The following LEKR1 variants were observed in gnomAD, a reference collection of about 807,000 sequenced individuals.
The protein encoded by LEKR1 is protein LEKR1.
In LEKR1, 59 loss-of-function variants were observed where a neutral mutation model predicts 72.4. The observed-to-expected ratio is 0.82, with a 90% CI of 0.66 to 1.01. The LOEUF (loss-of-function observed/expected upper bound fraction) is 1.01. Ranked by LOEUF, LEKR1 falls within the 50% of genes least tolerant of loss-of-function variation. The pLI is 0.00. For missense variants in LEKR1, 728 were observed against 759.2 expected (o/e 0.96, Z 0.48); for synonymous variants, 257 against 263.2 (o/e 0.98, Z 0.23).
chr3:156,918,516 C>G (rs1723876611), intron 3 of LEKR1, among the ~76,000 whole-genome samples: 1 of 151,964 alleles, frequency 6.6e-6, no homozygotes, highest in Non-Finnish European at 1.5e-5. Context: ...AGTACAGATA[C>G]CAAAGATGAT....
intron 2 of LEKR1, among the ~76,000 whole-genome samples, chr3:156,829,834 A>G (rs1211519527): frequency 3.9e-5 from 6 of 152,178 alleles, no homozygotes; most frequent in African/African-American, 1.4e-4. Context: ...AAATAAATAT[A>G]TTGGAAAATG....
chr3:156,847,379 T>C (rs1714742586), intron 2 of LEKR1, among the ~76,000 whole-genome samples: 1 of 152,248 alleles, frequency 6.6e-6, no homozygotes, highest in Non-Finnish European at 1.5e-5. Flanking sequence ...AAAGTGCATC[T>C]TGTAGAACAC....
intron 9 of LEKR1, among the ~76,000 whole-genome samples, chr3:157,007,203 AAAT>A (rs1247099052): frequency 2.0e-5 from 3 of 151,232 alleles, no homozygotes; most frequent in Admixed American, 6.6e-5. Context: ...TCTGTCTCAA[AAAT>A]AATAATAATA....
At chr3:157,004,752 G>T (rs1732281279) in intron 9 of LEKR1, among the ~76,000 whole-genome samples, 1 of 151,860 alleles carries the variant, frequency 6.6e-6, no homozygotes, top group African/African-American at 2.4e-5. Flanking sequence ...AATATCAAAA[G>T]GGAAATTAGA....
intron 3 of LEKR1, among the ~76,000 whole-genome samples, chr3:156,902,663 A>G (rs950425926): frequency 6.6e-6 from 1 of 151,344 alleles, no homozygotes; most frequent in African/African-American, 2.4e-5. Context: ...TGGAGTAGCT[A>G]TGTGTTCCTA....
chr3:156,897,166 A>G (rs1721280103), intron 3 of LEKR1, among the ~76,000 whole-genome samples: 1 of 152,232 alleles, frequency 6.6e-6, no homozygotes, highest in Non-Finnish European at 1.5e-5. Flanking sequence ...TAACCCATAT[A>G]ACAAACCTGT....
intron 3 of LEKR1, among the ~76,000 whole-genome samples, chr3:156,907,880 T>C (rs1722683499): frequency 6.6e-6 from 1 of 152,142 alleles, no homozygotes. Flanking sequence ...GAATTCCACA[T>C]TGCAGTTAGA....
chr3:156,886,584 C>T (rs1158400262), intron 3 of LEKR1, among the ~76,000 whole-genome samples: 1 of 152,168 alleles, frequency 6.6e-6, no homozygotes, highest in African/African-American at 2.4e-5. Flanking sequence ...GGGATGGCTT[C>T]ACTGGGCTCA....
At position 156,916,926 on chromosome 3, in the gene LEKR1, G is replaced by A. The variant is rs1404283254; in HGVS notation, c.264-3649G>A. 2.0e-5 allele frequency among the ~76,000 whole-genome samples: 3 copies of A among 151,994 alleles called. No homozygotes were observed. The East Asian group carries it at 5.8e-4, about 29-fold the overall frequency. On this transcript the variant is annotated intron_variant, in intron 3 of 12. Coordinates refer to ENST00000356539, the MANE Select transcript of LEKR1 (RefSeq NM_001004316.3). The stretch of plus-strand genomic sequence containing the variant: ...TCTTGATTATGAACAGACAATAAAG[G>A]ATAATCAGCCTTCTGAGCAGAGCCT...
intron 5 of LEKR1, among the ~76,000 whole-genome samples, chr3:156,939,815 C>T (rs767590549): frequency 2.0e-5 from 3 of 151,912 alleles, no homozygotes; most frequent in East Asian, 1.9e-4. Flanking sequence ...ACTTATCAGG[C>T]GAATTCCACT....
At chr3:157,035,507 C>T (rs1392330949) in intron 12 of LEKR1, among the ~76,000 whole-genome samples, 1 of 152,174 alleles carries the variant, frequency 6.6e-6, no homozygotes, top group Admixed American at 6.5e-5. Flanking sequence ...GTACCCTTCA[C>T]ACTCTCATGT....
At position 156,982,033 on chromosome 3, in the gene LEKR1, C is replaced by T. The variant is rs112180488; in HGVS notation, c.827+2758C>T. Among the ~76,000 whole-genome samples, 706 of 152,190 alleles carry T rather than the reference C, an allele frequency of 4.6e-3. 3 individuals are homozygous for T. Among genetic ancestry groups the T allele is most frequent in the African/African-American group, 0.016 (679 of 41,524 alleles). ...TGGATATAAGTTTTGTGAATTTTGA[C>T]AATAAAAGGAAGAAGCAATTTATAA... On this transcript the variant is annotated intron_variant, in intron 7 of 12. Coordinates refer to ENST00000356539, the MANE Select transcript of LEKR1 (RefSeq NM_001004316.3).
intron 10 of LEKR1, among the ~76,000 whole-genome samples, chr3:157,016,642 A>T (rs1577000029): frequency 6.6e-6 from 1 of 152,198 alleles, no homozygotes; most frequent in East Asian, 1.9e-4. Context: ...ACACAGAGGA[A>T]TGTAGAAAAC....
chr3:156,946,838 A>G (rs1726726592), intron 6 of LEKR1, among the ~76,000 whole-genome samples: 1 of 151,188 alleles, frequency 6.6e-6, no homozygotes, highest in South Asian at 2.1e-4. Context: ...GATTGTATAT[A>G]TCTAGGAATT....
chr3:156,967,217 A>G (rs4408837), intron 6 of LEKR1, among the ~76,000 whole-genome samples: 128,702 of 152,184 alleles, frequency 0.85, 54,607 homozygotes, highest in African/African-American at 0.92. Context: ...AGAAATCAGA[A>G]CACCTCTCCT....
chr3:156,902,489 C>T (rs1722132367), intron 3 of LEKR1, among the ~76,000 whole-genome samples: 1 of 152,116 alleles, frequency 6.6e-6, no homozygotes, highest in African/African-American at 2.4e-5. Context: ...CTTTTATAGA[C>T]ATTTTATTAT....
chr3:156,967,469 G>C (rs1728734096), intron 6 of LEKR1, among the ~76,000 whole-genome samples: 1 of 152,188 alleles, frequency 6.6e-6, no homozygotes, highest in African/African-American at 2.4e-5. Context: ...CGAGAACTAT[G>C]TGATGAATGC....
At chr3:156,839,929 C>T (rs1223878191) in intron 2 of LEKR1, among the ~76,000 whole-genome samples, 4 of 152,116 alleles carry the variant, frequency 2.6e-5, no homozygotes, top group African/African-American at 9.7e-5. Context: ...TCCAAGCGTG[C>T]CTGTCTTTTT....
intron 6 of LEKR1, among the ~76,000 whole-genome samples, chr3:156,964,047 A>G (rs1285006685): frequency 6.6e-6 from 1 of 152,196 alleles, no homozygotes; most frequent in Non-Finnish European, 1.5e-5. Context: ...AAGATGAGTT[A>G]TAAGATGGGT....
Sources: allele counts gnomAD v4.1 joint callset (sites outside exome capture counted in the v4.1 genomes callset), GRCh38; gene constraint gnomAD v4.1.1; transcripts MANE v1.5; gene names NCBI Gene and HGNC (gene_info 2026-07-23, HGNC 2026-07-21).